The following LRP1B variants were observed in gnomAD, a reference collection of about 807,000 sequenced individuals.
The protein encoded by LRP1B is LDL receptor related protein 1B, also known as low-density lipoprotein receptor-related protein 1B.
A neutral mutation model predicts 556.6 loss-of-function variants in LRP1B; 217 were observed. The observed-to-expected ratio is 0.39, with a 90% CI of 0.35 to 0.44. The LOEUF (loss-of-function observed/expected upper bound fraction) is 0.44, where lower values mean the gene tolerates loss of function less well. LRP1B is among the 20% of genes least tolerant of loss of function. The probability of loss-of-function intolerance (pLI) is 1.00; values close to 1 mark genes in which losing one functional copy is unlikely to be tolerated. For missense variants in LRP1B, 5,053 were observed against 5,620.8 expected (o/e 0.90, Z 3.23); for synonymous variants, 2,047 against 1,865.8 (o/e 1.10, Z -2.50).
intron 2 of LRP1B, among the ~76,000 whole-genome samples, chr2:141,647,644 A>G (rs1689625195): frequency 6.6e-6 from 1 of 151,350 alleles, no homozygotes; most frequent in African/African-American, 2.4e-5. Context: ...CTTCTAAATA[A>G]GCATATTAAT....
intron 2 of LRP1B, among the ~76,000 whole-genome samples, chr2:141,514,261 C>A (rs1488151421): frequency 6.6e-6 from 1 of 152,112 alleles, no homozygotes; most frequent in African/African-American, 2.4e-5. Flanking sequence ...TTGGAACTCC[C>A]CAAGGGAAAT....
intron 21 of LRP1B, among the ~76,000 whole-genome samples, chr2:140,918,213 T>C (rs1694635869): frequency 6.6e-6 from 1 of 151,740 alleles, no homozygotes; most frequent in African/African-American, 2.4e-5. Flanking sequence ...TGTGTGTGTG[T>C]GTGTGTAGAG....
At chr2:141,543,789 A>C (rs926081848) in intron 2 of LRP1B, among the ~76,000 whole-genome samples, 2 of 152,148 alleles carry the variant, frequency 1.3e-5, no homozygotes, top group Non-Finnish European at 2.9e-5. Flanking sequence ...CATGGAGCAC[A>C]ATAATTTTGA....
At chr2:141,643,270 C>G (rs1319172355) in intron 2 of LRP1B, among the ~76,000 whole-genome samples, 3 of 152,036 alleles carry the variant, frequency 2.0e-5, no homozygotes, top group Non-Finnish European at 4.4e-5. Flanking sequence ...ATTAAGGTAA[C>G]AGAAGCACCC....
chr2:140,631,772 A>T (rs1332754530), intron 41 of LRP1B, among the ~76,000 whole-genome samples: 1 of 152,208 alleles, frequency 6.6e-6, no homozygotes, highest in Non-Finnish European at 1.5e-5. Context: ...AATGATAGAC[A>T]CAAAACCATA....
chr2:140,955,273 A>C (rs1467185707), intron 18 of LRP1B, among the ~76,000 whole-genome samples: 1 of 151,890 alleles, frequency 6.6e-6, no homozygotes. Flanking sequence ...CTGTTCTTTC[A>C]TATTAGTGTT....
chr2:141,850,171 G>C (rs1031948321), intron 1 of LRP1B, among the ~76,000 whole-genome samples: 5 of 151,690 alleles, frequency 3.3e-5, no homozygotes, highest in Admixed American at 2.6e-4. Context: ...TTTGCTGTCT[G>C]TAGCAAGGAT....
chr2:141,670,032 C>T (rs1264386579), intron 2 of LRP1B, among the ~76,000 whole-genome samples: 2 of 152,172 alleles, frequency 1.3e-5, no homozygotes, highest in African/African-American at 4.8e-5. Flanking sequence ...GGATTACAGG[C>T]ATGAGCCACT....
chr2:140,669,465 A>G (rs866405223), intron 41 of LRP1B, among the ~76,000 whole-genome samples: 7 of 152,296 alleles, frequency 4.6e-5, no homozygotes, highest in Non-Finnish European at 8.8e-5. Context: ...AAGAGTTTTA[A>G]AAAGGGAAAG....
chr2:140,385,758 C>CA (rs1480018217), intron 67 of LRP1B, 135 bp downstream of exon 67: 3 of 666,498 alleles, frequency 4.5e-6, no homozygotes, highest in Non-Finnish European at 8.1e-6. Context: ...TATTCTTGTC[C>CA]AAATGTGAAT....
intron 66 of LRP1B, among the ~76,000 whole-genome samples, chr2:140,401,730 C>A (rs560512403): frequency 1.3e-5 from 2 of 152,314 alleles, no homozygotes; most frequent in African/African-American, 2.4e-5. Context: ...TTTGCAAGCA[C>A]CACCTCCTGG....
intron 53 of LRP1B, 152 bp from the exon 54 acceptor site, chr2:140,503,255 T>C (rs1689273832): frequency 2.7e-6 from 2 of 735,176 alleles, no homozygotes; most frequent in Admixed American, 2.8e-5. Flanking sequence ...GTGGTTATAG[T>C]TGCAAGAGAT....
At chr2:141,729,113 A>T (rs978258661) in intron 2 of LRP1B, among the ~76,000 whole-genome samples, 1 of 152,132 alleles carries the variant, frequency 6.6e-6, no homozygotes, top group African/African-American at 2.4e-5. Context: ...GATGCTTAAC[A>T]AGGTGAGCCA....
At chr2:141,942,108 T>G (rs1374656818) in intron 1 of LRP1B, among the ~76,000 whole-genome samples, 1 of 152,130 alleles carries the variant, frequency 6.6e-6, no homozygotes, top group Non-Finnish European at 1.5e-5. Flanking sequence ...ACTCAAACAA[T>G]CAGTTCATCT....
chr2:141,742,111 G>A (rs902739009), intron 2 of LRP1B, among the ~76,000 whole-genome samples: 1 of 151,972 alleles, frequency 6.6e-6, no homozygotes, highest in African/African-American at 2.4e-5. Context: ...TAGATGTCTG[G>A]ATTTATTTAT....
At chr2:140,763,285 A>G (rs1261813840) in intron 35 of LRP1B, among the ~76,000 whole-genome samples, 1 of 152,084 alleles carries the variant, frequency 6.6e-6, no homozygotes, top group African/African-American at 2.4e-5. Flanking sequence ...CTCCATTTTG[A>G]TAAAGAAGAG....
intron 7 of LRP1B, among the ~76,000 whole-genome samples, chr2:141,083,162 C>G (rs2104889127): frequency 6.6e-6 from 1 of 152,254 alleles, no homozygotes; most frequent in African/African-American, 2.4e-5. Context: ...TAGCTTTAGT[C>G]TCCATGAATC....
intron 1 of LRP1B, among the ~76,000 whole-genome samples, chr2:142,012,856 T>G (rs1179125148): frequency 1.3e-5 from 2 of 152,304 alleles, no homozygotes; most frequent in East Asian, 3.9e-4. Flanking sequence ...AGATGCGATG[T>G]GGTCATTAAT....
chr2:140,365,128 T>G (rs937328118), intron 71 of LRP1B, among the ~76,000 whole-genome samples: 1 of 151,662 alleles, frequency 6.6e-6, no homozygotes, highest in Non-Finnish European at 1.5e-5. Context: ...TAGTTTTAAT[T>G]GTAATTATTT....
Sources: gnomAD v4.1 joint callset for allele counts (sites outside exome capture counted in the v4.1 genomes callset) on GRCh38, gnomAD v4.1.1 for gene constraint, MANE v1.5 for transcripts, NCBI Gene and HGNC (gene_info 2026-07-23, HGNC 2026-07-21) for gene names.